Variants in ITPR2 observed in about 807,000 individuals in gnomAD.
ITPR2 encodes the protein inositol 1,4,5-trisphosphate receptor type 2.
A neutral mutation model predicts 317.1 loss-of-function variants in ITPR2; 207 were observed. The ratio of observed to expected loss-of-function variants is 0.65; its 90% CI spans 0.58 to 0.73. The LOEUF is 0.73. Ranked by LOEUF, ITPR2 falls within the 30% of genes least tolerant of loss-of-function variation. The pLI is 0.00. For missense variants in ITPR2, 2,613 were observed against 3,284.0 expected (o/e 0.80, Z 4.99); for synonymous variants, 1,156 against 1,149.1 (o/e 1.01, Z -0.12).
In ITPR2 at chr12:26,638,824, A is replaced by C. The variant is rs538884303; in HGVS notation, c.2741-6765T>G. 2.0e-5 allele frequency among the ~76,000 whole-genome samples: 3 copies of C among 152,362 alleles called. No homozygotes were observed. The East Asian group carries it at 5.8e-4, about 29-fold the overall frequency. On this transcript the variant is annotated intron_variant, in intron 21 of 56. Coordinates refer to ENST00000381340, the MANE Select transcript of ITPR2 (RefSeq NM_002223.4). ...AGGAAGAAAATAACAGGTTAAATCCAACATGGTAAATTCAAAATATAAAAG... is the reference window on the plus strand; with the variant it reads ...AGGAAGAAAATAACAGGTTAAATCCCACATGGTAAATTCAAAATATAAAAG...
intron 21 of ITPR2, among the ~76,000 whole-genome samples, chr12:26,644,279 G>C (rs1947059794): frequency 6.6e-6 from 1 of 152,160 alleles, no homozygotes; most frequent in East Asian, 1.9e-4. Context: ...CATGCACTGT[G>C]TCCAGCAAAG....
At chr12:26,363,158 A>C (rs1591964023) in intron 55 of ITPR2, among the ~76,000 whole-genome samples, 1 of 152,184 alleles carries the variant, frequency 6.6e-6, no homozygotes, top group African/African-American at 2.4e-5. Flanking sequence ...CTCCGGTCAC[A>C]GCAACGGTGG....
chr12:26,440,393 T>C (rs901415055), intron 46 of ITPR2, among the ~76,000 whole-genome samples: 2 of 152,200 alleles, frequency 1.3e-5, no homozygotes, highest in Admixed American at 6.5e-5. Flanking sequence ...AGTGTCAGCA[T>C]GATAAGGAAC....
chr12:26,621,285 C>T lies in ITPR2; in HGVS notation c.3300G>A (p.Leu1100=). 6.2e-7 allele frequency: 1 copy of T among 1,607,762 alleles called. No individual in the cohort carries two copies. The highest frequency in any genetic ancestry group is 1.1e-5 in the South Asian group (1 of 89,694). The change falls in exon 26 of 57, where the codon CTG becomes CTA. Residue 1100 remains leucine (L), a synonymous_variant. Coordinates refer to ENST00000381340, the MANE Select transcript of ITPR2 (RefSeq NM_002223.4). The part of the protein sequence containing the change: ...VLQAFKQVQL[L]VSNQDVDNYK... ...AGTTATCTACGTCTTGATTAGACACCAGTAATTGCACCTAAAACAGAAGAA... is the reference window on the plus strand; with the variant it reads ...AGTTATCTACGTCTTGATTAGACACTAGTAATTGCACCTAAAACAGAAGAA...
At chr12:26,573,936 G>A (rs1181471758) in intron 34 of ITPR2, among the ~76,000 whole-genome samples, 1 of 152,178 alleles carries the variant, frequency 6.6e-6, no homozygotes, top group East Asian at 1.9e-4. Flanking sequence ...GTGGATTGCA[G>A]GGGCACATTT....
intron 35 of ITPR2, among the ~76,000 whole-genome samples, 191 bp from the exon 36 acceptor site, chr12:26,556,566 T>TTTTGTGTGTGTGTG (rs370599538): frequency 2.9e-5 from 4 of 136,200 alleles, no homozygotes; most frequent in African/African-American, 1.1e-4. Context: ...ATTTTTTTTT[T>TTTTGTGTGTGTGTG]TGTGTGTGTG....
chr12:26,557,473 G>A (rs1364861122), intron 35 of ITPR2, among the ~76,000 whole-genome samples: 2 of 152,220 alleles, frequency 1.3e-5, no homozygotes, highest in African/African-American at 4.8e-5. Flanking sequence ...AGTCAGCTGA[G>A]AGAGCAGGGT....
intron 26 of ITPR2, among the ~76,000 whole-genome samples, chr12:26,608,960 G>A (rs572679233): frequency 1.3e-5 from 2 of 152,230 alleles, no homozygotes; most frequent in Non-Finnish European, 2.9e-5. Flanking sequence ...GAAAAGCACT[G>A]TACAGGAAGT....
At position 26,580,801 on chromosome 12, in the gene ITPR2, G is replaced by A. The variant is rs1416666223; in HGVS notation, c.4381-646C>T. Reference sequence around the variant, plus strand: ...AGAAAGACCAGAAAAGAGCATCCCTGGCTCGTGCTCTGATCTTTACATCTG... The same window carrying A: ...AGAAAGACCAGAAAAGAGCATCCCTAGCTCGTGCTCTGATCTTTACATCTG... On this transcript the variant is annotated intron_variant, in intron 32 of 56. Coordinates refer to ENST00000381340, the MANE Select transcript of ITPR2 (RefSeq NM_002223.4). 2.6e-5 allele frequency among the ~76,000 whole-genome samples: 4 copies of A among 152,242 alleles called. No homozygotes were observed. In the East Asian group the frequency reaches 7.7e-4, roughly 29 times the overall value.
chr12:26,472,953 C>G (rs1284564088), intron 45 of ITPR2, among the ~76,000 whole-genome samples: 1 of 152,048 alleles, frequency 6.6e-6, no homozygotes, highest in African/African-American at 2.4e-5. Context: ...GTGGAGTGAT[C>G]TAGGCTCACT....
intron 21 of ITPR2, among the ~76,000 whole-genome samples, chr12:26,635,197 C>T (rs962630882): frequency 3.3e-5 from 5 of 152,128 alleles, no homozygotes; most frequent in African/African-American, 9.7e-5. Context: ...TTTAATTTTG[C>T]CCTATTCAGA....
rs190730124 is a variant in ITPR2 at position 26,581,902 on chromosome 12, G to A, written c.4381-1747C>T. Among the ~76,000 whole-genome samples, 417 of 152,170 alleles carry A rather than the reference G, an allele frequency of 2.7e-3. 2 individuals carry two copies. The highest frequency in any genetic ancestry group is 9.2e-3 in the African/African-American group (380 of 41,526). ...ATTCAGTGACATTTCATGCAATTGC[G>A]TGGGGCTCTCTGGAGTCATCAGAGT... On this transcript the variant is annotated intron_variant, in intron 32 of 56. Transcript: ENST00000381340.
At chr12:26,518,306 G>A (rs1467848331) in intron 37 of ITPR2, among the ~76,000 whole-genome samples, 1 of 152,136 alleles carries the variant, frequency 6.6e-6, no homozygotes, top group Non-Finnish European at 1.5e-5. Context: ...CTTATAAGGA[G>A]GAGCTAAACA....
intron 1 of ITPR2, among the ~76,000 whole-genome samples, chr12:26,806,737 G>A (rs946281739): frequency 2.0e-5 from 3 of 152,060 alleles, no homozygotes; most frequent in African/African-American, 2.4e-5. Context: ...ACAGGGTTTC[G>A]CCACGTTTCC....
At chr12:26,466,267 C>T (rs1015174641) in intron 45 of ITPR2, among the ~76,000 whole-genome samples, 5 of 152,156 alleles carry the variant, frequency 3.3e-5, no homozygotes, top group African/African-American at 1.2e-4. Flanking sequence ...ATGGTTCTGT[C>T]CACTGTGTTG....
intron 26 of ITPR2, among the ~76,000 whole-genome samples, chr12:26,620,049 C>T (rs1366160058): frequency 6.6e-6 from 1 of 152,304 alleles, no homozygotes; most frequent in East Asian, 1.9e-4. Context: ...TATTACCTGG[C>T]ATTCAGCAAG....
intron 8 of ITPR2, among the ~76,000 whole-genome samples, chr12:26,713,006 C>G (rs569633076): frequency 1.7e-4 from 26 of 152,334 alleles, no homozygotes; most frequent in African/African-American, 5.5e-4. Flanking sequence ...CCTCACCCAG[C>G]GGGGCTCTGA....
intron 2 of ITPR2, among the ~76,000 whole-genome samples, chr12:26,740,854 G>A (rs1322388318): frequency 1.3e-5 from 2 of 152,020 alleles, no homozygotes; most frequent in African/African-American, 4.8e-5. Context: ...GTTCTTAGAG[G>A]GAAAAGTATC....
intron 54 of ITPR2, among the ~76,000 whole-genome samples, chr12:26,388,521 G>C (rs368603582): frequency 3.9e-4 from 60 of 152,110 alleles, no homozygotes; most frequent in African/African-American, 1.3e-3. Context: ...CTGGAGTGCA[G>C]TGGCTCAATG....
Sources: gnomAD v4.1 joint callset for allele counts (sites outside exome capture counted in the v4.1 genomes callset) on GRCh38, gnomAD v4.1.1 for gene constraint, MANE v1.5 for transcripts, NCBI Gene and HGNC (gene_info 2026-07-23, HGNC 2026-07-21) for gene names.